Variants in DPP6 observed in about 807,000 individuals in gnomAD.
The protein encoded by DPP6 is A-type potassium channel modulatory protein DPP6.
Under a neutral mutation model 122.6 loss-of-function variants are expected in DPP6, and 69 were observed. That is an observed-to-expected ratio of 0.56 (90% CI 0.46 to 0.69). The LOEUF (loss-of-function observed/expected upper bound fraction) is 0.69, where lower values mean the gene tolerates loss of function less well. DPP6 is among the 30% of genes least tolerant of loss of function. DPP6 has a pLI of 0.00. For synonymous variants in DPP6, 418 were observed against 433.1 expected (o/e 0.97, Z 0.43); for missense variants, 928 against 1,116.9 (o/e 0.83, Z 2.41).
chr7:154,074,070 CATATAGAGAGAGAT>C (rs1803346135), intron 1 of DPP6, among the ~76,000 whole-genome samples: 1 of 137,366 alleles, frequency 7.3e-6, no homozygotes, highest in African/African-American at 2.8e-5. Context: ...TCCATATATA[CATATAGAGAGAGAT>C]ATATAGAGAT....
intron 4 of DPP6, among the ~76,000 whole-genome samples, chr7:154,549,682 T>C (rs183256028): frequency 1.4e-3 from 211 of 152,312 alleles, no homozygotes; most frequent in African/African-American, 5.0e-3. Context: ...CTTTCCTTCC[T>C]TGGCTCTGCG....
intron 5 of DPP6, among the ~76,000 whole-genome samples, chr7:154,584,807 G>T (rs1370663045): frequency 6.6e-6 from 1 of 152,210 alleles, no homozygotes; most frequent in African/African-American, 2.4e-5. Flanking sequence ...CAGAAAGCAT[G>T]CACAAAGCCT....
chr7:154,546,576 T>C, intron 4 of DPP6, among the ~76,000 whole-genome samples: 1 of 152,324 alleles, frequency 6.6e-6, no homozygotes, highest in Non-Finnish European at 1.5e-5. Flanking sequence ...ATTTCTTTGT[T>C]TTAATTGCTT....
chr7:153,995,808 A>G (rs1375169835), intron 1 of DPP6, among the ~76,000 whole-genome samples: 1 of 152,302 alleles, frequency 6.6e-6, no homozygotes, highest in South Asian at 2.1e-4. Flanking sequence ...ATTCACTCTT[A>G]CCTAAGTCCT....
At chr7:154,562,003 A>G (rs1419219264) in intron 4 of DPP6, among the ~76,000 whole-genome samples, 1 of 152,194 alleles carries the variant, frequency 6.6e-6, no homozygotes, top group African/African-American at 2.4e-5. Context: ...GATCAATTCT[A>G]CCAAACATTT....
intron 3 of DPP6, among the ~76,000 whole-genome samples, chr7:154,509,848 C>T (rs1825928279): frequency 6.6e-6 from 1 of 152,036 alleles, no homozygotes; most frequent in Non-Finnish European, 1.5e-5. Flanking sequence ...CTACAATATA[C>T]ATGATTCCTT....
chr7:154,156,508 T>C (rs969570497), intron 1 of DPP6, among the ~76,000 whole-genome samples: 11 of 152,212 alleles, frequency 7.2e-5, no homozygotes, highest in Non-Finnish European at 1.2e-4. Flanking sequence ...GTGGAGTTGA[T>C]CTTTATTGGA....
chr7:154,322,723 T>C (rs1808085294), intron 1 of DPP6, among the ~76,000 whole-genome samples: 2 of 152,216 alleles, frequency 1.3e-5, no homozygotes, highest in Non-Finnish European at 2.9e-5. Context: ...GTAGCATTTA[T>C]TGGGTATATA....
chr7:153,809,284 C>T, the DPP6 span, among the ~76,000 whole-genome samples: 1 of 151,970 alleles, frequency 6.6e-6, no homozygotes, highest in African/African-American at 2.4e-5. Context: ...GTTCCTTCTT[C>T]TCTTTGGATA....
intron 5 of DPP6, among the ~76,000 whole-genome samples, chr7:154,586,209 C>G (rs1331225205): frequency 6.6e-6 from 1 of 151,928 alleles, no homozygotes; most frequent in Non-Finnish European, 1.5e-5. Flanking sequence ...TTGTTGAGAC[C>G]GGGCACAGTG....
chr7:154,502,500 T>G (rs913910085), intron 3 of DPP6, among the ~76,000 whole-genome samples: 2 of 152,116 alleles, frequency 1.3e-5, no homozygotes, highest in East Asian at 3.9e-4. Flanking sequence ...ATAAGTCTCA[T>G]GGGATCTGAG....
chr7:153,804,173 G>C, the DPP6 span, among the ~76,000 whole-genome samples: 223 of 151,116 alleles, frequency 1.5e-3, 1 homozygote, highest in Non-Finnish European at 2.5e-3. Context: ...CCTCAGCCTC[G>C]TGAGTAGCTG....
intron 1 of DPP6, among the ~76,000 whole-genome samples, chr7:154,240,572 G>T (rs544972906): frequency 1.3e-5 from 2 of 152,280 alleles, no homozygotes; most frequent in South Asian, 4.1e-4. Context: ...GTAAAATCAT[G>T]AACATAGAGT....
At chr7:154,892,295 T>G in intron 25 of DPP6, 39 bp from the exon 26 acceptor site, 1 of 1,613,800 alleles carries the variant, frequency 6.2e-7, no homozygotes, top group South Asian at 1.1e-5. Flanking sequence ...CTGGGGAGCG[T>G]ATACCTGGGA....
At chr7:153,834,801 AACG>A in the DPP6 span, among the ~76,000 whole-genome samples, 1 of 131,878 alleles carries the variant, frequency 7.6e-6, no homozygotes, top group Non-Finnish European at 1.7e-5. Flanking sequence ...ATAGAGAAAC[AACG>A]TGGCAAATGT....
At chr7:154,288,038 A>C (rs1382849697) in intron 1 of DPP6, among the ~76,000 whole-genome samples, 2 of 152,166 alleles carry the variant, frequency 1.3e-5, no homozygotes, top group African/African-American at 4.8e-5. Context: ...CCCCCTACCG[A>C]GGGGTGCCCC....
Position 154,077,303 on chromosome 7 carries a change from A to G in DPP6, c.243+24240A>G, listed in dbSNP as rs112309969. ...GACACCATATTCAATAATAGACACA[A>G]TGTGTAGAATGAAGAAGCCAGCGTC... is the stretch of plus-strand genomic sequence containing the variant. On this transcript the variant is annotated intron_variant, in intron 1 of 25. Coordinates refer to ENST00000377770, the MANE Select transcript of DPP6 (RefSeq NM_130797.4). Among the ~76,000 whole-genome samples the G allele has an allele frequency of 7.1e-3, 1,088 of 152,356 alleles. 12 individuals are homozygous for G. The highest frequency in any genetic ancestry group is 0.034 in the Middle Eastern group (10 of 294).
At chr7:153,983,756 C>T (rs1563074177) in intron 1 of DPP6, among the ~76,000 whole-genome samples, 1 of 152,040 alleles carries the variant, frequency 6.6e-6, no homozygotes, top group African/African-American at 2.4e-5. Context: ...ATAGCATTGT[C>T]CCTCACGGCA....
intron 1 of DPP6, among the ~76,000 whole-genome samples, chr7:153,995,588 CAAA>C (rs55905154): frequency 8.1e-4 from 72 of 88,936 alleles, no homozygotes; most frequent in African/African-American, 2.9e-3. Flanking sequence ...GACTCCGTCT[CAAA>C]AAAAAAAAAA....
Sources: allele counts gnomAD v4.1 joint callset (sites outside exome capture counted in the v4.1 genomes callset), GRCh38; gene constraint gnomAD v4.1.1; transcripts MANE v1.5; gene names NCBI Gene and HGNC (gene_info 2026-07-23, HGNC 2026-07-21).